Variants in SYAP1 observed in about 807,000 individuals in gnomAD.
SYAP1 encodes synapse-associated protein 1.
A neutral mutation model predicts 29.6 loss-of-function variants in SYAP1; 3 were observed. The observed-to-expected ratio is 0.10, with a 90% CI of 0.05 to 0.26. SYAP1 has a LOEUF of 0.26. Ranked by LOEUF, SYAP1 falls within the 10% of genes least tolerant of loss-of-function variation. SYAP1 has a pLI of 1.00. For synonymous variants in SYAP1, 102 were observed against 102.7 expected (o/e 0.99, Z 0.04); for missense variants, 217 against 264.1 (o/e 0.82, Z 1.24).
At chrX:16,736,509 C>T (rs1047779973) in intron 3 of SYAP1, 6 of 212,543 alleles carry the variant, frequency 2.8e-5, no homozygotes, top group African/African-American at 1.2e-4. Flanking sequence ...TTTCTCTTTT[C>T]TTTTCCCCCA....
intron 5 of SYAP1, 136 bp downstream of exon 5, chrX:16,743,976 G>A: frequency 3.0e-6 from 2 of 663,338 alleles, no homozygotes; most frequent in Non-Finnish European, 4.4e-6. Flanking sequence ...CAGCTCCCCT[G>A]GTCAGGGCAC....
chrX:16,745,784 G>A (rs1926586923), intron 5 of SYAP1, among the ~76,000 whole-genome samples: 2 of 108,172 alleles, frequency 1.8e-5, no homozygotes, highest in East Asian at 2.9e-4. Context: ...ATTTCCACTT[G>A]ACAGCTTTCC....
chrX:16,748,257 T>C (rs923580555), intron 5 of SYAP1, among the ~76,000 whole-genome samples: 1 of 111,521 alleles, frequency 9.0e-6, no homozygotes, highest in African/African-American at 3.3e-5. Context: ...TCACGGTAGG[T>C]AGGTCACAGG....
chrX:16,722,367 A>C (rs761884271), intron 1 of SYAP1, among the ~76,000 whole-genome samples: 1 of 110,489 alleles, frequency 9.1e-6, no homozygotes, highest in Non-Finnish European at 1.9e-5. Flanking sequence ...GTCCCTACTA[A>C]AAATACAAAA....
At chrX:16,755,993 A>G (rs1926834448) in intron 6 of SYAP1, among the ~76,000 whole-genome samples, 1 of 111,396 alleles carries the variant, frequency 9.0e-6, no homozygotes, top group South Asian at 3.7e-4. Flanking sequence ...AGTGTCAGGG[A>G]AATGGAGTGA....
chrX:16,760,275 A>G lies in SYAP1; in HGVS notation c.975A>G (p.Gln325=). ...AAAAAGAACTGCAGCAGGAACTTCA[A>G]GAATATGAAGTGGTGACAGAATCTG... ...DWEKELQQEL[Q]EYEVVTESEK... Residue 325 remains glutamine, a synonymous_variant, in exon 9 of 9, where the codon CAA becomes CAG. Transcript: ENST00000380155. 1 of 1,198,522 alleles carries G rather than the reference A, an allele frequency of 8.3e-7. No homozygotes were observed. Among genetic ancestry groups the G allele is most frequent in the Non-Finnish European group, 1.1e-6 (1 of 888,706 alleles).
intron 8 of SYAP1, 116 bp from the exon 9 acceptor site, chrX:16,760,116 G>T (rs1485394113): frequency 4.3e-6 from 3 of 701,095 alleles, no homozygotes; most frequent in Non-Finnish European, 6.1e-6. Context: ...TGAAGCCTGA[G>T]ATACTAAAAA....
intron 1 of SYAP1, among the ~76,000 whole-genome samples, chrX:16,723,166 T>C (rs1926002975): frequency 8.9e-6 from 1 of 111,746 alleles, no homozygotes; most frequent in African/African-American, 3.3e-5. Flanking sequence ...GTAGGGAAAG[T>C]ATATTTCAAG....
rs767250262 is a variant in SYAP1, at chrX:16,742,603, ATTTGT to A, written c.435+833_435+837del. 1.9e-4 allele frequency among the ~76,000 whole-genome samples: 21 copies of A among 110,470 alleles called. No homozygotes were observed. In the East Asian group the frequency reaches 4.3e-3, roughly 23 times the overall value. ...ATGCGCTGCCAAAATTTTTAATTTA[ATTTGT>A]TTTGTTTTGTTTTGTTTTTGTTTTA... On this transcript the variant is annotated intron_variant, in intron 4 of 8. Transcript: ENST00000380155.
Position 16,743,711 on chromosome X carries a change from A to G in SYAP1, c.446A>G (p.Asn149Ser). 1 of 1,210,644 alleles carries G rather than the reference A, an allele frequency of 8.3e-7. No individual in the cohort carries two copies. Among genetic ancestry groups the G allele is most frequent in the Non-Finnish European group, 1.1e-6 (1 of 894,947 alleles). Residue 149 changes from asparagine to serine, a missense_variant, in exon 5 of 9, where the codon AAT becomes AGT. Physicochemically the swap from Asn to Ser is conservative, Grantham distance 46. Coordinates refer to ENST00000380155, the MANE Select transcript of SYAP1 (RefSeq NM_032796.4). Reference protein sequence around the residue: ...QILALSADKRNFLRDPPAGVQ... With the variant: ...QILALSADKRSFLRDPPAGVQ... ...CTTTTTTTATCAAAGGACAAGAGGA[A>G]TTTCCTTCGTGACCCTCCGGCTGGC... is the stretch of plus-strand genomic sequence containing the variant.
intron 6 of SYAP1, 70 bp downstream of exon 6, chrX:16,755,163 C>G: frequency 9.7e-7 from 1 of 1,033,164 alleles, no homozygotes; most frequent in Non-Finnish European, 1.3e-6. Context: ...AGCTTGACCT[C>G]TTATACGTAC....
chrX:16,738,184 G>A (rs2147423751), intron 3 of SYAP1, among the ~76,000 whole-genome samples: 1 of 111,846 alleles, frequency 8.9e-6, no homozygotes, highest in East Asian at 2.8e-4. Context: ...GGAGGCTGAG[G>A]TAGGCAGATC....
intron 5 of SYAP1, among the ~76,000 whole-genome samples, chrX:16,745,827 C>T (rs1327809439): frequency 8.2e-5 from 9 of 109,391 alleles, no homozygotes; most frequent in African/African-American, 3.0e-4. Context: ...CCACTGTCCT[C>T]TCCTCTCTCA....
intron 1 of SYAP1, among the ~76,000 whole-genome samples, chrX:16,733,080 G>A (rs1254086086): frequency 9.0e-6 from 1 of 111,706 alleles, no homozygotes; most frequent in Non-Finnish European, 1.9e-5. Context: ...TGGAGAGTTA[G>A]CCAGATAAAG....
At chrX:16,747,481 C>G (rs936657418) in intron 5 of SYAP1, among the ~76,000 whole-genome samples, 3 of 112,326 alleles carry the variant, frequency 2.7e-5, no homozygotes, top group Non-Finnish European at 5.6e-5. Flanking sequence ...TGCTGTGGCT[C>G]TCAAGACCAG....
intron 1 of SYAP1, among the ~76,000 whole-genome samples, chrX:16,725,521 G>T (rs1029293575): frequency 2.7e-5 from 3 of 111,713 alleles, no homozygotes; most frequent in Admixed American, 9.6e-5. Context: ...TCTTCAACGT[G>T]GTGTCAGCTG....
At chrX:16,742,556 G>T (rs1926491582) in intron 4 of SYAP1, among the ~76,000 whole-genome samples, 1 of 111,934 alleles carries the variant, frequency 8.9e-6, no homozygotes, top group South Asian at 3.7e-4. Context: ...CCAAAGTGCT[G>T]GGATTACAGG....
At chrX:16,742,432 G>C (rs768420232) in intron 4 of SYAP1, among the ~76,000 whole-genome samples, 2 of 109,407 alleles carry the variant, frequency 1.8e-5, no homozygotes, top group South Asian at 3.9e-4. Context: ...GATTATAGGC[G>C]TGAGCTACCA....
rs758085218 is a variant in SYAP1 at position 16,719,818 on chromosome X, G to C, written c.94G>C (p.Glu32Gln). The part of the protein sequence containing the change: ...NGDAPPEQPS[E>Q]TVAESAEEEL... ...AGATGCTCCACCCGAGCAGCCGTCC[G>C]AGACGGTGGCTGAGTCTGCGGAGGA... Residue 32 changes from glutamate (E) to glutamine (Q), a missense_variant, in exon 1 of 9, where the codon GAG (glutamate) becomes CAG (glutamine). Coordinates refer to ENST00000380155, the MANE Select transcript of SYAP1 (RefSeq NM_032796.4). The C allele has an allele frequency of 7.5e-6, 9 of 1,199,232 alleles. No individual in the cohort carries two copies. The South Asian group carries it at 1.6e-4, about 22-fold the overall frequency.
Sources: gnomAD v4.1 joint callset for allele counts (sites outside exome capture counted in the v4.1 genomes callset) on GRCh38, gnomAD v4.1.1 for gene constraint, MANE v1.5 for transcripts, NCBI Gene and HGNC (gene_info 2026-07-23, HGNC 2026-07-21) for gene names.